Variants in PDE4B observed in about 807,000 individuals in gnomAD.
PDE4B encodes the protein phosphodiesterase 4B.
A neutral mutation model predicts 82.2 loss-of-function variants in PDE4B; 20 were observed. The observed-to-expected ratio is 0.24, with a 90% CI of 0.17 to 0.35. PDE4B has a LOEUF of 0.35. Among genes scored for constraint, PDE4B ranks in the 10% least tolerant of loss-of-function variants. The probability of loss-of-function intolerance (pLI) is 1.00; values close to 1 mark genes in which losing one functional copy is unlikely to be tolerated. For missense variants in PDE4B, 655 were observed against 907.2 expected, an observed-to-expected ratio of 0.72 and a Z score of 3.57; for synonymous variants, 320 against 318.9, an observed-to-expected ratio of 1.00 and a Z score of -0.04.
intron 3 of PDE4B, among the ~76,000 whole-genome samples, chr1:66,013,715 G>T (rs1428286397): frequency 4.0e-5 from 6 of 151,852 alleles, no homozygotes; most frequent in African/African-American, 7.3e-5. Context: ...GGAAATTTAG[G>T]TTGCTTCCAC....
At chr1:66,082,641 A>AAT (rs67481716) in intron 3 of PDE4B, among the ~76,000 whole-genome samples, 8,607 of 147,812 alleles carry the variant, frequency 0.058, 347 homozygotes, top group Admixed American at 0.13. Context: ...GGATTGAAAT[A>AAT]ATATATATAT....
chr1:65,899,792 A>C (rs1391763265), intron 1 of PDE4B, among the ~76,000 whole-genome samples: 1 of 151,908 alleles, frequency 6.6e-6, no homozygotes, highest in African/African-American at 2.4e-5. Flanking sequence ...GGAAAACCAA[A>C]CATCATACGT....
chr1:65,799,241 A>G (rs1057419180), intron 1 of PDE4B, among the ~76,000 whole-genome samples: 1 of 152,202 alleles, frequency 6.6e-6, no homozygotes, highest in Non-Finnish European at 1.5e-5. Flanking sequence ...AAGGAAATCT[A>G]AGTTCCTTCA....
At chr1:66,032,991 T>G (rs1653873871) in intron 3 of PDE4B, among the ~76,000 whole-genome samples, 1 of 152,174 alleles carries the variant, frequency 6.6e-6, no homozygotes, top group African/African-American at 2.4e-5. Context: ...CCATTTTGCT[T>G]TGTTTCTTCT....
chr1:66,350,922 T>C (rs1230702313), intron 8 of PDE4B, among the ~76,000 whole-genome samples: 4 of 152,232 alleles, frequency 2.6e-5, no homozygotes, highest in African/African-American at 4.8e-5. Flanking sequence ...ATTTTAGCTT[T>C]TATTACCTAT....
chr1:65,995,854 T>C (rs539966220), intron 3 of PDE4B, among the ~76,000 whole-genome samples: 4 of 152,174 alleles, frequency 2.6e-5, no homozygotes, highest in Non-Finnish European at 5.9e-5. Context: ...GATTCCAGCA[T>C]TGAAATTAAA....
chr1:66,238,197 G>T (rs61206679), intron 3 of PDE4B, among the ~76,000 whole-genome samples: 1 of 152,150 alleles, frequency 6.6e-6, no homozygotes, highest in Non-Finnish European at 1.5e-5. Flanking sequence ...GCCAGGGACT[G>T]TTCAAAGCAA....
chr1:66,012,409 C>T (rs1652536878), intron 3 of PDE4B, among the ~76,000 whole-genome samples: 1 of 152,102 alleles, frequency 6.6e-6, no homozygotes, highest in Non-Finnish European at 1.5e-5. Context: ...TTTGATAGAG[C>T]AGATACTTTT....
intron 3 of PDE4B, among the ~76,000 whole-genome samples, chr1:66,186,834 C>T (rs1252321061): frequency 6.6e-6 from 1 of 152,088 alleles, no homozygotes; most frequent in Non-Finnish European, 1.5e-5. Flanking sequence ...TTTCCTTCTC[C>T]TGCCTAATTG....
intron 3 of PDE4B, among the ~76,000 whole-genome samples, chr1:66,181,740 A>G (rs1379076057): frequency 6.6e-6 from 1 of 152,152 alleles, no homozygotes; most frequent in African/African-American, 2.4e-5. Flanking sequence ...AATACTCCAG[A>G]ATGAAAGGGA....
chr1:66,204,389 T>C (rs576763270), intron 3 of PDE4B, among the ~76,000 whole-genome samples: 1 of 152,344 alleles, frequency 6.6e-6, no homozygotes, highest in African/African-American at 2.4e-5. Context: ...GACAGGGACG[T>C]TTAAGTTTGC....
At chr1:65,988,751 A>G (rs982267638) in intron 3 of PDE4B, among the ~76,000 whole-genome samples, 4 of 151,502 alleles carry the variant, frequency 2.6e-5, no homozygotes, top group South Asian at 4.2e-4. Flanking sequence ...TTTGAGTGCC[A>G]TGTTGTGCTA....
intron 3 of PDE4B, among the ~76,000 whole-genome samples, chr1:66,108,322 A>T (rs1033355570): frequency 6.6e-6 from 1 of 151,974 alleles, no homozygotes; most frequent in Non-Finnish European, 1.5e-5. Flanking sequence ...AAAAACTAAA[A>T]CATAAGACCT....
rs539127618 is a variant in PDE4B at position 66,286,912 on chromosome 1, G to A, written c.634+20825G>A. 3.9e-5 allele frequency among the ~76,000 whole-genome samples: 6 copies of A among 152,220 alleles called. No individual in the cohort carries two copies. The East Asian group carries it at 1.2e-3, about 29-fold the overall frequency. ...TGTATGCCCCCCCATGGTAATTAAT[G>A]TTCAAGCTTGAAGAAACTTGAAGAA... On this transcript the variant is annotated intron_variant, in intron 7 of 16. Coordinates refer to ENST00000341517, the MANE Select transcript of PDE4B (RefSeq NM_002600.4).
chr1:66,298,078 T>G (rs1020052824), intron 7 of PDE4B, among the ~76,000 whole-genome samples: 1 of 152,160 alleles, frequency 6.6e-6, no homozygotes, highest in Non-Finnish European at 1.5e-5. Context: ...TAAGATGATA[T>G]AAAAGAGAGT....
chr1:66,315,443 T>C (rs945029217), intron 7 of PDE4B, among the ~76,000 whole-genome samples: 1 of 152,176 alleles, frequency 6.6e-6, no homozygotes, highest in African/African-American at 2.4e-5. Flanking sequence ...TTATTTTTTA[T>C]TTTTTGGAGG....
intron 3 of PDE4B, among the ~76,000 whole-genome samples, chr1:66,136,721 A>AAG: frequency 7.2e-6 from 1 of 139,136 alleles, no homozygotes; most frequent in African/African-American, 2.6e-5. Flanking sequence ...AAAAAAAAAA[A>AAG]GAATGTTCAA....
intron 3 of PDE4B, among the ~76,000 whole-genome samples, chr1:66,035,131 C>T (rs556172519): frequency 2.6e-5 from 4 of 152,160 alleles, no homozygotes; most frequent in Admixed American, 2.6e-4. Flanking sequence ...TTCCCAGAGT[C>T]AATGGCAAAA....
intron 3 of PDE4B, among the ~76,000 whole-genome samples, chr1:65,940,605 A>G (rs1189305555): frequency 6.6e-6 from 1 of 152,030 alleles, no homozygotes; most frequent in Admixed American, 6.6e-5. Context: ...TTTTAGAAAC[A>G]TTGATAGGGC....
Sources: gnomAD v4.1 joint callset for allele counts (sites outside exome capture counted in the v4.1 genomes callset) on GRCh38, gnomAD v4.1.1 for gene constraint, MANE v1.5 for transcripts, NCBI Gene and HGNC (gene_info 2026-07-23, HGNC 2026-07-21) for gene names.